The following FAM184A variants were observed in gnomAD, a reference collection of about 807,000 sequenced individuals.
FAM184A encodes the protein family with sequence similarity 184 member A.
Under a neutral mutation model 143.8 loss-of-function variants are expected in FAM184A, and 99 were observed. The ratio of observed to expected loss-of-function variants is 0.69; its 90% CI spans 0.58 to 0.81. FAM184A has a LOEUF of 0.81. Ranked by LOEUF, FAM184A falls within the 40% of genes least tolerant of loss-of-function variation. FAM184A has a pLI of 0.00. For missense variants in FAM184A, 1,217 were observed against 1,310.5 expected (o/e 0.93, Z 1.10); for synonymous variants, 427 against 446.4 (o/e 0.96, Z 0.55).
chr6:119,068,035 T>C (rs1463424292), intron 1 of FAM184A, among the ~76,000 whole-genome samples: 1 of 128,540 alleles, frequency 7.8e-6, no homozygotes, highest in East Asian at 2.5e-4. Context: ...TTTATTGTTT[T>C]TTTGTGTGTG....
intron 1 of FAM184A, among the ~76,000 whole-genome samples, chr6:119,066,768 G>T (rs1787466907): frequency 6.6e-6 from 1 of 152,162 alleles, no homozygotes; most frequent in Non-Finnish European, 1.5e-5. Flanking sequence ...ATAATTACTA[G>T]GGGGTTGAAA....
At chr6:119,105,238 G>T (rs1788749768) in intron 1 of FAM184A, among the ~76,000 whole-genome samples, 1 of 152,174 alleles carries the variant, frequency 6.6e-6, no homozygotes, top group South Asian at 2.1e-4. Flanking sequence ...GGAACTTTCT[G>T]TACTATTGAT....
At chr6:119,071,426 C>G (rs1352740588) in intron 1 of FAM184A, among the ~76,000 whole-genome samples, 1 of 152,116 alleles carries the variant, frequency 6.6e-6, no homozygotes, top group Non-Finnish European at 1.5e-5. Context: ...ATGACTAAAC[C>G]TGTTAATAAA....
At chr6:119,054,562 A>G (rs1192445606) in intron 1 of FAM184A, among the ~76,000 whole-genome samples, 1 of 152,154 alleles carries the variant, frequency 6.6e-6, no homozygotes, top group Non-Finnish European at 1.5e-5. Context: ...TCTTAATTCT[A>G]TTACACTGGG....
At chr6:119,092,965 A>G (rs1788411729) in intron 1 of FAM184A, among the ~76,000 whole-genome samples, 1 of 152,046 alleles carries the variant, frequency 6.6e-6, no homozygotes, top group East Asian at 1.9e-4. Flanking sequence ...GCCTGGCAAA[A>G]CCCTGGTTAC....
intron 1 of FAM184A, among the ~76,000 whole-genome samples, chr6:119,066,109 T>C (rs564280899): frequency 1.3e-5 from 2 of 152,300 alleles, no homozygotes; most frequent in Non-Finnish European, 2.9e-5. Context: ...CAACATCATA[T>C]AGTGCAGCAA....
chr6:119,049,224 G>T (rs1280997678), intron 1 of FAM184A, among the ~76,000 whole-genome samples: 2 of 152,202 alleles, frequency 1.3e-5, no homozygotes. Context: ...AAGACAGGCG[G>T]ATCACCTGAG....
chr6:118,994,937 C>T (rs1049976981), intron 9 of FAM184A, among the ~76,000 whole-genome samples: 1 of 152,110 alleles, frequency 6.6e-6, no homozygotes, highest in Non-Finnish European at 1.5e-5. Context: ...TGCATATATC[C>T]ATGAATTTCC....
At chr6:119,040,656 G>A (rs757670214) in intron 1 of FAM184A, among the ~76,000 whole-genome samples, 16 of 152,052 alleles carry the variant, frequency 1.1e-4, no homozygotes, top group Non-Finnish European at 1.6e-4. Context: ...GCTCTTTTCC[G>A]GGACAAATAC....
chr6:119,074,539 A>G (rs1482839864), intron 1 of FAM184A, among the ~76,000 whole-genome samples: 2 of 152,210 alleles, frequency 1.3e-5, no homozygotes, highest in Non-Finnish European at 1.5e-5. Context: ...ATGAAAGAGG[A>G]TGAACCAGTC....
At chr6:119,016,667 A>G (rs1582508627) in intron 5 of FAM184A, 80 bp downstream of exon 5, 6 of 1,279,734 alleles carry the variant, frequency 4.7e-6, no homozygotes, top group South Asian at 2.5e-5. Context: ...CAGTGAGACC[A>G]AGAACCCACC....
chr6:119,116,233 C>T (rs1323473900), intron 1 of FAM184A, among the ~76,000 whole-genome samples: 1 of 152,042 alleles, frequency 6.6e-6, no homozygotes, highest in East Asian at 1.9e-4. Context: ...AGTCCATTAT[C>T]CTAAGTGATC....
rs558083639 is a variant in FAM184A, at chr6:119,098,939, A to G, written c.-202+50139T>C. 3.3e-5 allele frequency among the ~76,000 whole-genome samples: 5 copies of G among 152,266 alleles called. No individual in the cohort carries two copies. The South Asian group carries it at 1.0e-3, about 32-fold the overall frequency. On this transcript the variant is annotated intron_variant, in intron 1 of 16. Coordinates refer to the FAM184A transcript ENST00000352896. The stretch of plus-strand genomic sequence containing the variant: ...GGCCTGACCAATATGATGAAACCCC[A>G]TCTCTACTAAAAATACAAAATTAGT...
At chr6:119,145,640 C>T (rs1453775873) in intron 1 of FAM184A, among the ~76,000 whole-genome samples, 1 of 152,190 alleles carries the variant, frequency 6.6e-6, no homozygotes, top group African/African-American at 2.4e-5. Flanking sequence ...TTTAAGGCAT[C>T]CATCCTCTGT....
At chr6:119,099,022 A>G (rs1482078696) in intron 1 of FAM184A, among the ~76,000 whole-genome samples, 4 of 152,208 alleles carry the variant, frequency 2.6e-5, no homozygotes, top group Non-Finnish European at 5.9e-5. Flanking sequence ...AGGCAGGAGA[A>G]TCGCTTGAAC....
At chr6:119,102,803 A>AG (rs1554196650) in intron 1 of FAM184A, among the ~76,000 whole-genome samples, 270 of 142,592 alleles carry the variant, frequency 1.9e-3, no homozygotes, top group African/African-American at 6.2e-3. Flanking sequence ...AAAAAAAAAA[A>AG]AAAAGAAAAG....
intron 1 of FAM184A, among the ~76,000 whole-genome samples, chr6:119,028,196 C>G (rs185716009): frequency 6.6e-6 from 1 of 152,318 alleles, no homozygotes; most frequent in Admixed American, 6.5e-5. Context: ...GCTTAGCACT[C>G]TGCAATAGGC....
chr6:119,046,605 A>T (rs1350971717), intron 1 of FAM184A, among the ~76,000 whole-genome samples: 1 of 152,144 alleles, frequency 6.6e-6, no homozygotes, highest in African/African-American at 2.4e-5. Flanking sequence ...AATTTTTACT[A>T]TGCCCATGCA....
At chr6:119,130,146 T>G (rs940315390) in intron 1 of FAM184A, among the ~76,000 whole-genome samples, 1 of 152,200 alleles carries the variant, frequency 6.6e-6, no homozygotes, top group African/African-American at 2.4e-5. Flanking sequence ...AGTCATATAT[T>G]TTTCCAGTTG....
Sources: allele counts gnomAD v4.1 joint callset (sites outside exome capture counted in the v4.1 genomes callset), GRCh38; gene constraint gnomAD v4.1.1; transcripts MANE v1.5; gene names NCBI Gene and HGNC (gene_info 2026-07-23, HGNC 2026-07-21).